The following SAMD4A variants were observed in gnomAD, a reference collection of about 807,000 sequenced individuals.
SAMD4A encodes the protein protein Smaug homolog 1.
A neutral mutation model predicts 81.3 loss-of-function variants in SAMD4A; 33 were observed. The ratio of observed to expected loss-of-function variants is 0.41; its 90% CI spans 0.31 to 0.54. The LOEUF is 0.54. Ranked by LOEUF, SAMD4A falls within the 20% of genes least tolerant of loss-of-function variation. The pLI is 0.37. For synonymous variants in SAMD4A, 389 were observed against 382.1 expected (o/e 1.02, Z -0.21); for missense variants, 854 against 951.1 (o/e 0.90, Z 1.34).
intron 2 of SAMD4A, chr14:54,687,884 G>T (rs1345847651): frequency 1.1e-6 from 1 of 890,994 alleles, no homozygotes; most frequent in East Asian, 1.2e-4. Flanking sequence ...AGGGCCACGT[G>T]TCCCTGAATG....
intron 4 of SAMD4A, among the ~76,000 whole-genome samples, chr14:54,742,260 G>A (rs1415392750): frequency 6.6e-6 from 1 of 152,114 alleles, no homozygotes; most frequent in Non-Finnish European, 1.5e-5. Context: ...AATTTAGGAT[G>A]ATGCCCAGGT....
chr14:54,634,286 G>C (rs1271491509), intron 2 of SAMD4A, among the ~76,000 whole-genome samples: 2 of 118,158 alleles, frequency 1.7e-5, no homozygotes, highest in African/African-American at 6.5e-5. Context: ...ACTCCATCTC[G>C]GGGGGGTGGG....
chr14:54,694,560 G>A (rs1372724461), intron 2 of SAMD4A: 23 of 930,778 alleles, frequency 2.5e-5, no homozygotes, highest in Non-Finnish European at 2.1e-5. Flanking sequence ...GTTGGAGTGT[G>A]AATCTGGGGC....
In SAMD4A at chr14:54,664,171, C is replaced by A. The variant is rs944391624; in HGVS notation, c.197-37891C>A. Among the ~76,000 whole-genome samples, 5 of 152,156 alleles carry A rather than the reference C, an allele frequency of 3.3e-5. No homozygotes were observed. In the East Asian group the frequency reaches 5.8e-4, roughly 18 times the overall value. ...TGTGGTCAGATGGCTTTTCAGTTGC[C>A]TTTGGGTTTTTTTTCTCTTCTTTAA... On this transcript the variant is annotated intron_variant, in intron 2 of 12. Coordinates refer to ENST00000554335, the MANE Select transcript of SAMD4A (RefSeq NM_015589.6).
At chr14:54,774,134 C>T (rs1167133300) in intron 9 of SAMD4A, among the ~76,000 whole-genome samples, 2 of 152,212 alleles carry the variant, frequency 1.3e-5, no homozygotes, top group Admixed American at 6.5e-5. Flanking sequence ...GGTAGGGAGG[C>T]GCAAGGCGGC....
chr14:54,723,050 A>G (rs2037302103), intron 3 of SAMD4A, among the ~76,000 whole-genome samples: 1 of 152,108 alleles, frequency 6.6e-6, no homozygotes, highest in South Asian at 2.1e-4. Flanking sequence ...ACCATTCTTG[A>G]AGCACAGCTT....
In SAMD4A at chr14:54,663,830, A is replaced by G. The variant is rs139997517; in HGVS notation, c.197-38232A>G. On this transcript the variant is annotated intron_variant, in intron 2 of 12. Coordinates refer to ENST00000554335, the MANE Select transcript of SAMD4A (RefSeq NM_015589.6). Reference sequence around the variant, plus strand: ...CCTGTGAATGAGCGCACCAACCTCTATCTATGGCAGTCAGTTAATGGGCTG... The same window carrying G: ...CCTGTGAATGAGCGCACCAACCTCTGTCTATGGCAGTCAGTTAATGGGCTG... Among the ~76,000 whole-genome samples, 12 of 152,298 alleles carry G rather than the reference A, an allele frequency of 7.9e-5. No homozygotes were observed. In the East Asian group the frequency reaches 2.3e-3, roughly 29 times the overall value.
chr14:54,751,672 G>T (rs1594895917), intron 6 of SAMD4A, 135 bp downstream of exon 6: 3 of 693,026 alleles, frequency 4.3e-6, no homozygotes, highest in African/African-American at 3.7e-5. Context: ...CAGAGAAAAC[G>T]GAATGATTTT....
intron 4 of SAMD4A, among the ~76,000 whole-genome samples, chr14:54,748,614 C>A (rs2038024210): frequency 6.6e-6 from 1 of 152,200 alleles, no homozygotes; most frequent in Admixed American, 6.5e-5. Flanking sequence ...TAAAGGAGCC[C>A]ACCAGTAGGA....
chr14:54,720,306 CTG>C (rs2037228521), intron 3 of SAMD4A, among the ~76,000 whole-genome samples: 1 of 152,110 alleles, frequency 6.6e-6, no homozygotes, highest in African/African-American at 2.4e-5. Flanking sequence ...CCAATATTGC[CTG>C]TGTTTCTTGG....
At position 54,789,031 on chromosome 14, in the gene SAMD4A, T is replaced by G; in HGVS notation, c.*87T>G. 1 of 1,463,610 alleles carries G rather than the reference T, an allele frequency of 6.8e-7. No homozygotes were observed. Among genetic ancestry groups the G allele is most frequent in the East Asian group, 2.3e-5 (1 of 44,114 alleles). The allele number at this position is 1,463,610 out of a possible 1,614,324, so 90.7% of individuals were successfully genotyped here. ...CCATCTTCAGGGTTGCACAGAATCC[T>G]CCAAGATACTTTGCAGCCTTTTTTC... On this transcript the variant is annotated 3_prime_UTR_variant, in exon 13 of 13. Coordinates refer to ENST00000554335, the MANE Select transcript of SAMD4A (RefSeq NM_015589.6).
chr14:54,678,600 G>T (rs2036052393), intron 2 of SAMD4A, among the ~76,000 whole-genome samples: 1 of 150,908 alleles, frequency 6.6e-6, no homozygotes, highest in Non-Finnish European at 1.5e-5. Flanking sequence ...CCAGGCCGGA[G>T]TGCAGCGGCG....
chr14:54,593,630 C>T (rs2033839783), intron 2 of SAMD4A, among the ~76,000 whole-genome samples: 3 of 152,058 alleles, frequency 2.0e-5, no homozygotes, highest in Admixed American at 1.3e-4. Flanking sequence ...TGCTTAGTTT[C>T]GCTTAATTTT....
chr14:54,702,775 G>A (rs894605315), intron 3 of SAMD4A, 195 bp downstream of exon 3: 2 of 636,178 alleles, frequency 3.1e-6, no homozygotes, highest in Non-Finnish European at 5.3e-6. Flanking sequence ...AAATACTTGG[G>A]AAGGTAAAAG....
chr14:54,668,803 G>A (rs574878305), intron 2 of SAMD4A: 1 of 152,204 alleles, frequency 6.6e-6, no homozygotes, highest in Non-Finnish European at 1.5e-5. Flanking sequence ...TGAGGAGACC[G>A]AGGCAAGAGA....
rs137858620 is a variant in SAMD4A at position 54,702,493 on chromosome 14, A to G, written c.628A>G (p.Met210Val). The change falls in exon 3 of 13, where the codon ATG becomes GTG. Residue 210 changes from methionine to valine, a missense_variant. Physicochemically the swap from Met to Val is conservative, Grantham distance 21. Coordinates refer to ENST00000554335, the MANE Select transcript of SAMD4A (RefSeq NM_015589.6). ...TGCCTCCAACTGGCAGGACAAAAGC[A>G]TGGGGTGTGAGAATGGCCATGTGCC... Reference protein sequence around the residue: ...INASNWQDKSMGCENGHVPLY... With the variant: ...INASNWQDKSVGCENGHVPLY... 1 of 1,614,208 alleles carries G rather than the reference A, an allele frequency of 6.2e-7. No individual in the cohort carries two copies. The highest frequency in any genetic ancestry group is 8.5e-7 in the Non-Finnish European group (1 of 1,180,014).
At chr14:54,733,654 A>G (rs961506209) in intron 3 of SAMD4A, among the ~76,000 whole-genome samples, 1 of 152,166 alleles carries the variant, frequency 6.6e-6, no homozygotes, top group Non-Finnish European at 1.5e-5. Context: ...CAGCATTTGA[A>G]TAGGACTTCT....
intron 2 of SAMD4A, among the ~76,000 whole-genome samples, chr14:54,604,835 A>G (rs2034156520): frequency 6.6e-6 from 1 of 152,232 alleles, no homozygotes; most frequent in Non-Finnish European, 1.5e-5. Context: ...CCCTGTGCCT[A>G]CCACCCAGCC....
rs1051037883 is a variant in SAMD4A, at chr14:54,630,908, A to ATATGTGTG, written c.196+62797_196+62798insATGTGTGT. On this transcript the variant is annotated intron_variant, in intron 2 of 12. Transcript: ENST00000554335. ...ACATATAATAAATCTTGTATTTTAT[A>ATATGTGTG]TGTGTGTGTGTGTGTGTGTGTGTGT... is the stretch of plus-strand genomic sequence containing the variant. 4.6e-4 allele frequency among the ~76,000 whole-genome samples: 67 copies of ATATGTGTG among 144,378 alleles called. 2 individuals are homozygous for ATATGTGTG. Among genetic ancestry groups the ATATGTGTG allele is most frequent in the African/African-American group, 1.6e-3 (62 of 38,424 alleles). 94.7% of individuals were successfully genotyped at this position (144,378 alleles called of 152,430 possible).
Sources: gnomAD v4.1 joint callset for allele counts (sites outside exome capture counted in the v4.1 genomes callset) on GRCh38, gnomAD v4.1.1 for gene constraint, MANE v1.5 for transcripts, NCBI Gene and HGNC (gene_info 2026-07-23, HGNC 2026-07-21) for gene names.